Variants in PIEZO2 observed in about 807,000 individuals in gnomAD.
PIEZO2 encodes piezo-type mechanosensitive ion channel component 2.
PIEZO2 carries 172 observed loss-of-function variants against 337.3 expected under a neutral mutation model. The ratio of observed to expected loss-of-function variants is 0.51; its 90% CI spans 0.45 to 0.58. The LOEUF is 0.58. Among genes scored for constraint, PIEZO2 ranks in the 20% least tolerant of loss-of-function variants. The probability of loss-of-function intolerance (pLI) is 0.00; values close to 1 mark genes in which losing one functional copy is unlikely to be tolerated. For synonymous variants in PIEZO2, 1,251 were observed against 1,228.5 expected (o/e 1.02, Z -0.38); for missense variants, 3,028 against 3,391.3 (o/e 0.89, Z 2.66).
rs574256544 is a variant in PIEZO2 at position 10,915,865 on chromosome 18, T to G, written c.287-4637A>C. Among the ~76,000 whole-genome samples the G allele has an allele frequency of 2.6e-5, 4 of 152,170 alleles. No individual in the cohort carries two copies. In the South Asian group the frequency reaches 8.3e-4, roughly 32 times the overall value. On this transcript the variant is annotated intron_variant, in intron 3 of 55. Transcript: ENST00000674853. ...CAGTGACTATTACAGTTCTTAAAGG[T>G]GGAGTTTCTAGATTAGCTAGACACA... is the stretch of plus-strand genomic sequence containing the variant.
At chr18:10,984,625 C>T (rs910367162) in intron 2 of PIEZO2, among the ~76,000 whole-genome samples, 1 of 152,038 alleles carries the variant, frequency 6.6e-6, no homozygotes, top group South Asian at 2.1e-4. Context: ...CATATAAACA[C>T]TGGTGTTTAA....
chr18:10,832,954 C>A (rs973602901), intron 7 of PIEZO2, among the ~76,000 whole-genome samples: 1 of 152,214 alleles, frequency 6.6e-6, no homozygotes, highest in East Asian at 1.9e-4. Flanking sequence ...TTCCGCCTCC[C>A]TGCCTGCCCT....
At chr18:10,777,099 T>C (rs2038817953) in intron 18 of PIEZO2, among the ~76,000 whole-genome samples, 1 of 152,210 alleles carries the variant, frequency 6.6e-6, no homozygotes, top group African/African-American at 2.4e-5. Flanking sequence ...CCTCCTCCAC[T>C]GCCTTCAATC....
At chr18:11,010,178 C>T (rs2035846745) in intron 2 of PIEZO2, among the ~76,000 whole-genome samples, 1 of 152,158 alleles carries the variant, frequency 6.6e-6, no homozygotes, top group African/African-American at 2.4e-5. Context: ...GTACCAAACA[C>T]CTACTAGGTA....
intron 4 of PIEZO2, among the ~76,000 whole-genome samples, chr18:10,884,965 G>C (rs140187900): frequency 6.6e-6 from 1 of 151,986 alleles, no homozygotes; most frequent in African/African-American, 2.4e-5. Flanking sequence ...ATGTGTGAGC[G>C]TCTATCATAT....
intron 7 of PIEZO2, among the ~76,000 whole-genome samples, chr18:10,832,567 G>A (rs2040877201): frequency 6.6e-6 from 1 of 152,172 alleles, no homozygotes; most frequent in African/African-American, 2.4e-5. Context: ...TTGGCCCTGT[G>A]GAGATGGGAG....
intron 4 of PIEZO2, among the ~76,000 whole-genome samples, chr18:10,896,258 C>CA: frequency 6.6e-6 from 1 of 152,056 alleles, no homozygotes; most frequent in Non-Finnish European, 1.5e-5. Context: ...TATTTTCCTT[C>CA]AAAAAATTAA....
Position 10,672,928 on chromosome 18 carries a change from C to A in PIEZO2, c.8162-55G>T. 4.8e-6 allele frequency: 7 copies of A among 1,444,102 alleles called. 1 individual carries two copies. In the South Asian group the frequency reaches 7.6e-5, roughly 16 times the overall value. The allele number at this position is 1,444,102 out of a possible 1,614,324, so 89.5% of individuals were successfully genotyped here. A position where few individuals can be genotyped will look rare whatever the true frequency, so the allele number is the denominator to read the frequency against. The stretch of plus-strand genomic sequence containing the variant: ...GACATGAGAATTTTAGGATTTCATG[C>A]ACAGCAACAGTTTTCAGATGGCAAA... On this transcript the variant is annotated intron_variant, in intron 54 of 55. Coordinates refer to ENST00000674853, the MANE Select transcript of PIEZO2 (RefSeq NM_001378183.1). This position sits in a 1 kb window ranked among gnomAD's most constrained non-coding sequence, Gnocchi z 4.7.
chr18:10,738,860 T>A (rs1044488589), intron 33 of PIEZO2: 1 of 152,188 alleles, frequency 6.6e-6, no homozygotes, highest in Admixed American at 6.5e-5. Flanking sequence ...AATAATGCAA[T>A]CTTGTGTGTG....
Position 11,069,747 on chromosome 18 carries a change from C to A in PIEZO2, c.65-3525G>T, listed in dbSNP as rs552598011. ...AAGAGGCAAAGCAAATTTGTGTTTG[C>A]AGATGACATGATCTTATATTAAGAA... On this transcript the variant is annotated intron_variant, in intron 1 of 55. Transcript: ENST00000674853. The surrounding 1 kb of genome is among the most constrained non-coding windows in gnomAD (Gnocchi z 4.9). Among the ~76,000 whole-genome samples, 2 of 152,256 alleles carry A rather than the reference C, an allele frequency of 1.3e-5. No individual in the cohort carries two copies. The highest frequency in any genetic ancestry group is 4.8e-5 in the African/African-American group (2 of 41,562).
chr18:11,060,754 G>A (rs2037920354), intron 2 of PIEZO2, among the ~76,000 whole-genome samples: 1 of 152,122 alleles, frequency 6.6e-6, no homozygotes, highest in Non-Finnish European at 1.5e-5. Context: ...CTGAAATTGA[G>A]GCAATAATTA....
chr18:10,680,821 G>A (rs756800249), intron 51 of PIEZO2, among the ~76,000 whole-genome samples: 50 of 152,074 alleles, frequency 3.3e-4, no homozygotes, highest in Admixed American at 2.6e-4. Flanking sequence ...TAATTTTACA[G>A]AAGAAAGAAG....
At chr18:10,776,263 G>C (rs10468669) in intron 18 of PIEZO2, among the ~76,000 whole-genome samples, 37,854 of 152,004 alleles carry the variant, frequency 0.25, 4,844 homozygotes, top group East Asian at 0.35. Context: ...GTCTCGGTTA[G>C]CTGAAACAGT....
In PIEZO2 at chr18:10,677,217, T is replaced by TATTC. The variant is rs995765710; in HGVS notation, c.8081+529_8081+530insGAAT. On this transcript the variant is annotated intron_variant, in intron 53 of 55. Transcript: ENST00000674853. This position sits in a 1 kb window ranked among gnomAD's most constrained non-coding sequence, Gnocchi z 4.1. ...AAACCCTCATTCATTTGTTTTTTAT[T>TATTC]ATTTATTTATTTATTTTTGAAATGG... 1.3e-5 allele frequency among the ~76,000 whole-genome samples: 2 copies of TATTC among 152,070 alleles called. No individual in the cohort carries two copies. The highest frequency in any genetic ancestry group is 2.9e-5 in the Non-Finnish European group (2 of 68,008).
At chr18:10,674,231 G>T (rs2033896451) in intron 54 of PIEZO2, among the ~76,000 whole-genome samples, 1 of 152,188 alleles carries the variant, frequency 6.6e-6, no homozygotes, top group South Asian at 2.1e-4. Context: ...AGGAAACACA[G>T]GAGCTTGCAG....
intron 4 of PIEZO2, among the ~76,000 whole-genome samples, chr18:10,909,521 G>C (rs1419071919): frequency 1.5e-4 from 3 of 20,082 alleles, no homozygotes; most frequent in Admixed American, 1.5e-3. Context: ...TAGGTATGAT[G>C]ATGGCACTAT....
Position 11,099,676 on chromosome 18 carries a change from A to G in PIEZO2, c.65-33454T>C, listed in dbSNP as rs2039355038. Among the ~76,000 whole-genome samples the G allele has an allele frequency of 2.0e-5, 3 of 152,178 alleles. No homozygotes were observed. Among genetic ancestry groups the G allele is most frequent in the African/African-American group, 7.2e-5 (3 of 41,442 alleles). ...GAGACAGTGTTTAACCATGTTGGCC[A>G]GGCTGATCTTGACCTCAGGTGATCT... On this transcript the variant is annotated intron_variant, in intron 1 of 55. Transcript: ENST00000674853. This position sits in a 1 kb window ranked among gnomAD's most constrained non-coding sequence, Gnocchi z 5.4.
chr18:10,874,175 A>T (rs1432191698), intron 4 of PIEZO2, among the ~76,000 whole-genome samples: 1 of 152,194 alleles, frequency 6.6e-6, no homozygotes, highest in Non-Finnish European at 1.5e-5. Flanking sequence ...GACATTTCTC[A>T]AAAGAAGACA....
At chr18:10,675,715 A>G (rs2033968674) in intron 53 of PIEZO2, among the ~76,000 whole-genome samples, 1 of 152,128 alleles carries the variant, frequency 6.6e-6, no homozygotes, top group African/African-American at 2.4e-5. Flanking sequence ...CCCCACCCAA[A>G]TCTCATCTTG....
Sources: gnomAD v4.1 joint callset for allele counts (sites outside exome capture counted in the v4.1 genomes callset) on GRCh38, gnomAD v4.1.1 for gene constraint, Gnocchi (gnomAD v3.1) non-coding constraint, MANE v1.5 for transcripts, NCBI Gene and HGNC (gene_info 2026-07-23, HGNC 2026-07-21) for gene names.